EXOC6B: variants seen among roughly 807,000 people sequenced by gnomAD.
The protein encoded by EXOC6B is exocyst complex component 6B.
A neutral mutation model predicts 113.5 loss-of-function variants in EXOC6B; 54 were observed. That is an observed-to-expected ratio of 0.48 (90% CI 0.38 to 0.60). The LOEUF (loss-of-function observed/expected upper bound fraction) is 0.60. EXOC6B is among the 20% of genes least tolerant of loss of function. EXOC6B has a pLI of 0.00. For synonymous variants in EXOC6B, 357 were observed against 339.0 expected (o/e 1.05, Z -0.58); for missense variants, 797 against 977.5 (o/e 0.82, Z 2.46).
chr2:72,466,080 C>T (rs924504279), intron 17 of EXOC6B, among the ~76,000 whole-genome samples: 10 of 152,110 alleles, frequency 6.6e-5, no homozygotes, highest in African/African-American at 2.4e-4. Context: ...TGCAGTGGCT[C>T]ATGCGTGTAA....
At chr2:72,437,610 T>G (rs1392006483) in intron 18 of EXOC6B, among the ~76,000 whole-genome samples, 2 of 152,174 alleles carry the variant, frequency 1.3e-5, no homozygotes, top group African/African-American at 4.8e-5. Flanking sequence ...AGAAGAGGAA[T>G]CAAGAGAGGT....
chr2:72,418,956 T>C (rs931033498), intron 18 of EXOC6B, among the ~76,000 whole-genome samples: 6 of 152,176 alleles, frequency 3.9e-5, no homozygotes, highest in Non-Finnish European at 7.4e-5. Context: ...TTTAGATTCA[T>C]TTCTAATTTC....
At chr2:72,587,658 TTTG>T (rs1705675685) in intron 6 of EXOC6B, among the ~76,000 whole-genome samples, 1 of 152,288 alleles carries the variant, frequency 6.6e-6, no homozygotes, top group Admixed American at 6.5e-5. Context: ...TTGTGTTGGT[TTTG>T]TTGATAAAAA....
intron 20 of EXOC6B, among the ~76,000 whole-genome samples, chr2:72,317,493 T>C (rs1201952666): frequency 6.6e-6 from 1 of 151,826 alleles, no homozygotes; most frequent in Admixed American, 6.6e-5. Context: ...TCTCAGAGTT[T>C]ATAAGGGAAG....
intron 1 of EXOC6B, among the ~76,000 whole-genome samples, chr2:72,745,285 T>G (rs889994262): frequency 3.3e-5 from 5 of 152,040 alleles, no homozygotes; most frequent in African/African-American, 1.2e-4. Context: ...GAGATCCCAT[T>G]TCTTTAAAAA....
At chr2:72,408,243 A>C (rs1458285896) in intron 18 of EXOC6B, among the ~76,000 whole-genome samples, 2 of 152,248 alleles carry the variant, frequency 1.3e-5, no homozygotes, top group Non-Finnish European at 2.9e-5. Context: ...AGAACATTCC[A>C]TGCTCATGGG....
In EXOC6B at chr2:72,604,489, T is replaced by A. The variant is rs10198842; in HGVS notation, c.670-28821A>T. On this transcript the variant is annotated intron_variant, in intron 6 of 21. Transcript: ENST00000272427. Reference sequence around the variant, plus strand: ...AAAATCTGGATTATTTTATTTAAATTCAAAAACTCTACAACATAGATACTT... The same window carrying A: ...AAAATCTGGATTATTTTATTTAAATACAAAAACTCTACAACATAGATACTT... 6.7e-3 allele frequency among the ~76,000 whole-genome samples: 1,020 copies of A among 152,312 alleles called. 14 individuals carry two copies. Among genetic ancestry groups the A allele is most frequent in the African/African-American group, 0.024 (986 of 41,564 alleles).
intron 19 of EXOC6B, among the ~76,000 whole-genome samples, chr2:72,340,094 T>C (rs1410622734): frequency 6.6e-6 from 1 of 152,130 alleles, no homozygotes; most frequent in African/African-American, 2.4e-5. Flanking sequence ...TTCTGTCACT[T>C]AGTCGAGGGG....
intron 6 of EXOC6B, among the ~76,000 whole-genome samples, chr2:72,699,394 C>G (rs1678129523): frequency 2.6e-5 from 4 of 151,484 alleles, no homozygotes; most frequent in African/African-American, 9.7e-5. Context: ...CAGAGAATCA[C>G]TTGAACCCAG....
In EXOC6B at chr2:72,338,485, ATT is replaced by A. The variant is rs376732998; in HGVS notation, c.2123-3467_2123-3466del. On this transcript the variant is annotated intron_variant, in intron 19 of 21. Transcript: ENST00000272427. ...CATTGCAAACTTATTTATAGGCACTATTTAATTACTTCATTTAAAGGAAATTG... is the reference window on the plus strand; with the variant it reads ...CATTGCAAACTTATTTATAGGCACTATAATTACTTCATTTAAAGGAAATTG... Among the ~76,000 whole-genome samples, 733 of 152,248 alleles carry A rather than the reference ATT, an allele frequency of 4.8e-3. 9 individuals are homozygous for A. The highest frequency in any genetic ancestry group is 0.016 in the African/African-American group (674 of 41,560).
Position 72,422,217 on chromosome 2 carries a change from C to T in EXOC6B, c.1981-42347G>A, listed in dbSNP as rs183032086. ...CCAAGGGCTGAGGAATGCAAGCACC[C>T]GGCGCGGGACTGGCAGACAGCTCCA... On this transcript the variant is annotated intron_variant, in intron 18 of 21. Transcript: ENST00000272427. 2.8e-3 allele frequency among the ~76,000 whole-genome samples: 432 copies of T among 152,318 alleles called. 1 individual carries two copies. Among genetic ancestry groups the T allele is most frequent in the African/African-American group, 9.2e-3 (384 of 41,564 alleles).
At chr2:72,671,457 A>G (rs1479444307) in intron 6 of EXOC6B, among the ~76,000 whole-genome samples, 1 of 152,108 alleles carries the variant, frequency 6.6e-6, no homozygotes, top group Non-Finnish European at 1.5e-5. Context: ...CACTCTGGGA[A>G]GCTGAGGCGG....
chr2:72,574,070 C>G lies in EXOC6B; in HGVS notation c.846+1422G>C, dbSNP rs56872723. Among the ~76,000 whole-genome samples the G allele has an allele frequency of 4.6e-3, 671 of 147,064 alleles. 10 individuals carry two copies. The highest frequency in any genetic ancestry group is 0.016 in the African/African-American group (630 of 39,588). ...GGCGGAGCTTGCAGTGAGCCGAGAT[C>G]GCACCACTGCACTCCAGCCTGGGCG... On this transcript the variant is annotated intron_variant, in intron 7 of 21. Transcript: ENST00000272427.
chr2:72,243,599 G>A (rs1407919101), intron 20 of EXOC6B, among the ~76,000 whole-genome samples: 2 of 152,130 alleles, frequency 1.3e-5, no homozygotes, highest in African/African-American at 4.8e-5. Context: ...GCTGTGGGGT[G>A]GGGGGCACAG....
chr2:72,660,292 G>A (rs957475034), intron 6 of EXOC6B, among the ~76,000 whole-genome samples: 3 of 151,988 alleles, frequency 2.0e-5, no homozygotes, highest in African/African-American at 7.2e-5. Flanking sequence ...ATCTGTAGAA[G>A]AGTATTAAGA....
chr2:72,582,263 G>C (rs147946906), intron 6 of EXOC6B, among the ~76,000 whole-genome samples: 2,382 of 152,186 alleles, frequency 0.016, 85 homozygotes, highest in African/African-American at 0.055. Flanking sequence ...TGTAATCCCA[G>C]CACTTTGGGA....
chr2:72,735,470 T>C (rs1486520292), intron 2 of EXOC6B, among the ~76,000 whole-genome samples: 1 of 152,174 alleles, frequency 6.6e-6, no homozygotes, highest in Non-Finnish European at 1.5e-5. Flanking sequence ...ATGCAAACCA[T>C]GGACGTAAAA....
At chr2:72,459,580 A>G (rs186446005) in intron 18 of EXOC6B, among the ~76,000 whole-genome samples, 2 of 152,316 alleles carry the variant, frequency 1.3e-5, no homozygotes, top group Non-Finnish European at 2.9e-5. Context: ...CAGAGAGCCA[A>G]ATCATGAGTG....
intron 8 of EXOC6B, among the ~76,000 whole-genome samples, chr2:72,531,248 G>C (rs1016965724): frequency 9.2e-5 from 14 of 151,902 alleles, no homozygotes; most frequent in African/African-American, 3.4e-4. Flanking sequence ...ACATTTGTTT[G>C]TGGTTAATGT....
Sources: allele counts gnomAD v4.1 joint callset (sites outside exome capture counted in the v4.1 genomes callset), GRCh38; gene constraint gnomAD v4.1.1; transcripts MANE v1.5; gene names NCBI Gene and HGNC (gene_info 2026-07-23, HGNC 2026-07-21).